Variants in AGBL1 observed in about 807,000 individuals in gnomAD.
AGBL1 encodes the protein AGBL carboxypeptidase 1, also known as cytosolic carboxypeptidase 4.
AGBL1 carries 130 observed loss-of-function variants against 118.9 expected under a neutral mutation model. The ratio of observed to expected loss-of-function variants is 1.09; its 90% confidence interval spans 0.95 to 1.26. AGBL1 has a LOEUF of 1.26. AGBL1 is among the 50% of genes most tolerant of loss of function. AGBL1 has a pLI of 0.00. For synonymous variants in AGBL1, 555 were observed against 478.9 expected, an observed-to-expected ratio of 1.16 and a Z score of -2.08; for missense variants, 1,584 against 1,298.1, an observed-to-expected ratio of 1.22 and a Z score of -3.38.
At chr15:86,284,778 G>A (rs761417582) in intron 16 of AGBL1, among the ~76,000 whole-genome samples, 3 of 152,286 alleles carry the variant, frequency 2.0e-5, no homozygotes, top group Non-Finnish European at 2.9e-5. Context: ...TGAGGTCAAG[G>A]AAGTCTTTTA....
intron 19 of AGBL1, among the ~76,000 whole-genome samples, chr15:86,526,289 A>G (rs1036633256): frequency 1.3e-5 from 2 of 152,118 alleles, no homozygotes; most frequent in African/African-American, 4.8e-5. Context: ...TACAACCTCT[A>G]TGAAAAACAG....
At chr15:86,886,191 G>T (rs2079968742) in intron 22 of AGBL1, among the ~76,000 whole-genome samples, 1 of 152,138 alleles carries the variant, frequency 6.6e-6, no homozygotes, top group African/African-American at 2.4e-5. Flanking sequence ...CACAAAGATA[G>T]AACAGACAGT....
chr15:87,026,389 A>C (rs1157315953), intron 24 of AGBL1, among the ~76,000 whole-genome samples: 1 of 152,098 alleles, frequency 6.6e-6, no homozygotes, highest in Non-Finnish European at 1.5e-5. Context: ...AACAAATATG[A>C]AAAAATGCTC....
chr15:86,408,838 C>T (rs1473311685), intron 18 of AGBL1, among the ~76,000 whole-genome samples: 11 of 152,172 alleles, frequency 7.2e-5, no homozygotes, highest in Admixed American at 5.2e-4. Flanking sequence ...TATTCTGATT[C>T]AGAAGGGGTC....
intron 22 of AGBL1, among the ~76,000 whole-genome samples, chr15:86,782,084 C>T (rs192705458): frequency 1.2e-4 from 18 of 152,114 alleles, no homozygotes; most frequent in South Asian, 2.1e-4. Flanking sequence ...AATCTCAAAA[C>T]GCTACTCATT....
intron 22 of AGBL1, among the ~76,000 whole-genome samples, chr15:86,699,438 G>A (rs2086318983): frequency 6.6e-6 from 1 of 151,774 alleles, no homozygotes; most frequent in Non-Finnish European, 1.5e-5. Context: ...TAGCAATAGG[G>A]GACAAATACC....
chr15:86,635,199 C>G (rs1347439113), intron 21 of AGBL1, among the ~76,000 whole-genome samples: 2 of 150,550 alleles, frequency 1.3e-5, no homozygotes, highest in Non-Finnish European at 2.9e-5. Context: ...AATTTCTTGT[C>G]TTGCCCTATT....
chr15:86,447,129 T>C (rs2082130371), intron 18 of AGBL1, among the ~76,000 whole-genome samples: 1 of 152,206 alleles, frequency 6.6e-6, no homozygotes, highest in South Asian at 2.1e-4. Flanking sequence ...AGCCTAAAAA[T>C]TAATTTTACT....
intron 16 of AGBL1, among the ~76,000 whole-genome samples, chr15:86,286,390 A>G (rs28668351): frequency 0.03 from 4,505 of 151,332 alleles, 230 homozygotes; most frequent in African/African-American, 0.1. Flanking sequence ...ATACTATGCA[A>G]TAGATGACCA....
chr15:86,739,206 G>T (rs1026891802), intron 22 of AGBL1, among the ~76,000 whole-genome samples: 2 of 151,984 alleles, frequency 1.3e-5, no homozygotes, highest in African/African-American at 4.8e-5. Context: ...CACTTTGGGA[G>T]GCCAAGGCAG....
chr15:87,013,414 A>G (rs190783185), intron 24 of AGBL1, among the ~76,000 whole-genome samples: 2 of 152,314 alleles, frequency 1.3e-5, no homozygotes, highest in Admixed American at 1.3e-4. Context: ...GTTGATTTTC[A>G]GCAACTAAAG....
chr15:86,370,693 C>T (rs192799113), intron 17 of AGBL1, among the ~76,000 whole-genome samples: 51 of 152,330 alleles, frequency 3.3e-4, no homozygotes, highest in Non-Finnish European at 5.7e-4. Context: ...CTCTACTTAT[C>T]TGCTCTCATG....
At chr15:86,124,996 A>C (rs1898328683) in intron 1 of AGBL1, among the ~76,000 whole-genome samples, 1 of 152,174 alleles carries the variant, frequency 6.6e-6, no homozygotes, top group South Asian at 2.1e-4. Context: ...TATCTCTCCA[A>C]GTGCAATAAT....
intron 18 of AGBL1, among the ~76,000 whole-genome samples, chr15:86,456,584 G>T (rs1490875672): frequency 6.6e-6 from 1 of 152,162 alleles, no homozygotes. Flanking sequence ...AGGTTGACAG[G>T]CATGTCTGTA....
At chr15:86,255,555 G>A (rs1174961076) in intron 7 of AGBL1, among the ~76,000 whole-genome samples, 1 of 152,266 alleles carries the variant, frequency 6.6e-6, no homozygotes, top group East Asian at 1.9e-4. Flanking sequence ...ACTGAGGTGG[G>A]TATTTTATCC....
chr15:86,524,478 C>T (rs1368580373), intron 19 of AGBL1, among the ~76,000 whole-genome samples: 1 of 152,238 alleles, frequency 6.6e-6, no homozygotes, highest in East Asian at 1.9e-4. Context: ...CAGTGCTTGA[C>T]TCTCCAGCAA....
intron 6 of AGBL1, among the ~76,000 whole-genome samples, chr15:86,236,471 G>C (rs144426230): frequency 9.1e-4 from 139 of 152,154 alleles, no homozygotes; most frequent in African/African-American, 3.1e-3. Flanking sequence ...TGCTGGTGCA[G>C]CCCAGGTAAT....
At chr15:86,201,537 G>T (rs1194207609) in intron 5 of AGBL1, among the ~76,000 whole-genome samples, 3 of 152,192 alleles carry the variant, frequency 2.0e-5, no homozygotes, top group Non-Finnish European at 1.5e-5. Flanking sequence ...GACTCAATGG[G>T]TTGACAGATC....
chr15:86,240,531 A>T (rs1410042712), intron 6 of AGBL1, among the ~76,000 whole-genome samples: 3 of 152,202 alleles, frequency 2.0e-5, no homozygotes, highest in Non-Finnish European at 4.4e-5. Context: ...AAGGGTTTCA[A>T]TGTGGAGTCC....
Sources: allele counts gnomAD v4.1 joint callset (sites outside exome capture counted in the v4.1 genomes callset), GRCh38; gene constraint gnomAD v4.1.1; transcripts MANE v1.5; gene names NCBI Gene and HGNC (gene_info 2026-07-23, HGNC 2026-07-21).